TMPRSS4: variants seen among roughly 807,000 people sequenced by gnomAD.
TMPRSS4 encodes transmembrane protease serine 4.
A neutral mutation model predicts 56.4 loss-of-function variants in TMPRSS4; 45 were observed. The ratio of observed to expected loss-of-function variants is 0.80; its 90% CI spans 0.63 to 1.02. TMPRSS4 has a LOEUF of 1.02. Ranked by LOEUF, TMPRSS4 falls within the 50% of genes least tolerant of loss-of-function variation. The pLI, the probability that TMPRSS4 is intolerant of heterozygous loss-of-function variation, is 0.00. For missense variants in TMPRSS4, 546 were observed against 556.7 expected (o/e 0.98, Z 0.19); for synonymous variants, 205 against 211.0 (o/e 0.97, Z 0.25).
At chr11:118,112,546 C>G (rs1017581286) in intron 8 of TMPRSS4, among the ~76,000 whole-genome samples, 2 of 151,904 alleles carry the variant, frequency 1.3e-5, no homozygotes, top group Non-Finnish European at 2.9e-5. Context: ...GCATGGGCCA[C>G]CATGCCCGGC....
intron 1 of TMPRSS4, among the ~76,000 whole-genome samples, chr11:118,090,059 G>A (rs1945835663): frequency 6.6e-6 from 1 of 152,060 alleles, no homozygotes; most frequent in East Asian, 1.9e-4. Context: ...TGGCCAGGCT[G>A]GTCTCGAACT....
intron 1 of TMPRSS4, among the ~76,000 whole-genome samples, chr11:118,091,124 C>T (rs651896): frequency 0.091 from 13,810 of 152,170 alleles, 756 homozygotes; most frequent in East Asian, 0.22. Flanking sequence ...CCTCCCACAG[C>T]TCAGCAAGCA....
chr11:118,097,255 G>T (rs1946454966), intron 2 of TMPRSS4, among the ~76,000 whole-genome samples: 1 of 152,032 alleles, frequency 6.6e-6, no homozygotes, highest in South Asian at 2.1e-4. Context: ...GGAGGAGACA[G>T]AAAATATACA....
intron 1 of TMPRSS4, among the ~76,000 whole-genome samples, chr11:118,090,170 T>C (rs1945843561): frequency 6.6e-6 from 1 of 152,196 alleles, no homozygotes; most frequent in African/African-American, 2.4e-5. Context: ...GTCACTACAG[T>C]TCATTTGTTT....
rs1204560870 is a variant in TMPRSS4, at chr11:118,119,809, G to C, written c.*1896G>C. 2.3e-4 allele frequency: 35 copies of C among 152,150 alleles called. No homozygotes were observed. The allele number at this position is 152,150 out of a possible 1,614,324, so 9.4% of individuals were successfully genotyped here. The stretch of plus-strand genomic sequence containing the variant: ...CAATATGATAATTTATAAAATATTT[G>C]AATAAAAAATGAATACTAGTTCCAC... On this transcript the variant is annotated 3_prime_UTR_variant, in exon 13 of 13. Transcript: ENST00000437212.
intron 4 of TMPRSS4, among the ~76,000 whole-genome samples, chr11:118,104,068 T>C (rs1946865832): frequency 6.6e-6 from 1 of 152,158 alleles, no homozygotes; most frequent in African/African-American, 2.4e-5. Flanking sequence ...TGGGCTCTTC[T>C]ACCTTCTTCC....
At chr11:118,101,267 G>A (rs964923597) in intron 3 of TMPRSS4, among the ~76,000 whole-genome samples, 4 of 152,132 alleles carry the variant, frequency 2.6e-5, no homozygotes, top group East Asian at 1.9e-4. Context: ...TCAGGATTAC[G>A]TGAGGAAATG....
intron 1 of TMPRSS4, among the ~76,000 whole-genome samples, chr11:118,090,121 T>C (rs1251313439): frequency 1.3e-5 from 2 of 152,142 alleles, no homozygotes; most frequent in Non-Finnish European, 2.9e-5. Flanking sequence ...GGATTACAGG[T>C]GTAAGCCACC....
At chr11:118,110,338 T>TTC (rs1947216655) in intron 7 of TMPRSS4, among the ~76,000 whole-genome samples, 1 of 115,000 alleles carries the variant, frequency 8.7e-6, no homozygotes, top group African/African-American at 3.9e-5. Flanking sequence ...GAGCATTAGA[T>TTC]TCTCTCTTTT....
intron 1 of TMPRSS4, among the ~76,000 whole-genome samples, chr11:118,083,887 A>G (rs1296180380): frequency 6.6e-6 from 1 of 152,088 alleles, no homozygotes; most frequent in Non-Finnish European, 1.5e-5. Context: ...AGTACAAAAA[A>G]TTAGCTGGGC....
chr11:118,103,940 G>T (rs1369152288), intron 4 of TMPRSS4, among the ~76,000 whole-genome samples: 3 of 152,182 alleles, frequency 2.0e-5, no homozygotes, highest in Admixed American at 6.5e-5. Flanking sequence ...CACTTCGCCA[G>T]CTATTGGTCC....
At chr11:118,104,953 G>A (rs1946917236) in intron 5 of TMPRSS4, 133 bp downstream of exon 5, 1 of 967,170 alleles carries the variant, frequency 1.0e-6, no homozygotes, top group South Asian at 1.8e-5. Context: ...TTGAATCCCA[G>A]CATTTCACTT....
At position 118,117,463 on chromosome 11, in the gene TMPRSS4, C is replaced by G. The variant is rs370361202; in HGVS notation, c.1302+9C>G. The G allele has an allele frequency of 1.9e-6, 3 of 1,608,576 alleles. No individual in the cohort carries two copies. The African/African-American group carries it at 4.0e-5, about 21-fold the overall frequency. ...TCTACAATGTCTGGAAGGTAAGGTA[C>G]CTTTGCCCTACCCACTGTGCCTTCC... On this transcript the variant is annotated intron_variant, in intron 12 of 12. Coordinates refer to ENST00000437212, the MANE Select transcript of TMPRSS4 (RefSeq NM_019894.4).
chr11:118,105,265 G>T (rs1279691362), intron 5 of TMPRSS4, among the ~76,000 whole-genome samples: 1 of 152,184 alleles, frequency 6.6e-6, no homozygotes. Context: ...TTTCAGTGGG[G>T]CCCCATCTTC....
In TMPRSS4 at chr11:118,118,723, G is replaced by A. The variant is rs200494707; in HGVS notation, c.*810G>A. On this transcript the variant is annotated 3_prime_UTR_variant, in exon 13 of 13. Transcript: ENST00000437212. Reference sequence around the variant, plus strand: ...CCCTGCCTGTGATAATCAGCCAGGAGCCAGGGATAACCTATGACTTGGGAA... The same window carrying A: ...CCCTGCCTGTGATAATCAGCCAGGAACCAGGGATAACCTATGACTTGGGAA... The A allele has an allele frequency of 1.2e-5, 2 of 173,098 alleles. No homozygotes were observed. The highest frequency in any genetic ancestry group is 9.8e-5 in the African/African-American group (2 of 20,482). The allele number at this position is 173,098 out of a possible 1,614,324, so 10.7% of individuals were successfully genotyped here. A position where few individuals can be genotyped will look rare whatever the true frequency, so the allele number is the denominator to read the frequency against.
In TMPRSS4 at chr11:118,107,887, G is replaced by A; in HGVS notation, c.542+12G>A. ...CGGAACTCAAGTGGGTAAGTGAGGG[G>A]ACACCTTCTGGCCTACAGAAGGCCC... On this transcript the variant is annotated intron_variant, in intron 6 of 12. Transcript: ENST00000437212. The A allele has an allele frequency of 1.2e-6, 2 of 1,612,042 alleles. No individual in the cohort carries two copies. The highest frequency in any genetic ancestry group is 2.2e-5 in the East Asian group (1 of 44,834).
At chr11:118,097,138 G>T (rs527267796) in intron 2 of TMPRSS4, among the ~76,000 whole-genome samples, 1 of 150,968 alleles carries the variant, frequency 6.6e-6, no homozygotes, top group East Asian at 1.9e-4. Flanking sequence ...ACAAATATTT[G>T]TTGAGCAATT....
intron 1 of TMPRSS4, among the ~76,000 whole-genome samples, chr11:118,089,218 G>T (rs528500030): frequency 7.2e-5 from 11 of 152,180 alleles, no homozygotes; most frequent in Admixed American, 2.0e-4. Flanking sequence ...CTCTTCCAAA[G>T]GTGTATCTGT....
At chr11:118,114,953 G>A (rs1415269396) in intron 10 of TMPRSS4, 26 bp downstream of exon 10, 14 of 1,578,276 alleles carry the variant, frequency 8.9e-6, no homozygotes, top group South Asian at 1.2e-5. Flanking sequence ...AGGACCACAG[G>A]GCAGGAGATG....
Sources: gnomAD v4.1 joint callset for allele counts (sites outside exome capture counted in the v4.1 genomes callset) on GRCh38, gnomAD v4.1.1 for gene constraint, MANE v1.5 for transcripts, NCBI Gene and HGNC (gene_info 2026-07-23, HGNC 2026-07-21) for gene names.